The following RASA3 variants were observed in gnomAD, a reference collection of about 807,000 sequenced individuals.
The protein encoded by RASA3 is RAS p21 protein activator 3.
In RASA3, 73 loss-of-function variants were observed where a neutral mutation model predicts 110.0. The ratio of observed to expected loss-of-function variants is 0.66; its 90% CI spans 0.55 to 0.81. The LOEUF (loss-of-function observed/expected upper bound fraction) is 0.81. Among genes scored for constraint, RASA3 ranks in the 30% least tolerant of loss-of-function variants. The pLI is 0.00. For missense variants in RASA3, 976 were observed against 1,113.2 expected (o/e 0.88, Z 1.75); for synonymous variants, 500 against 451.4 (o/e 1.11, Z -1.37).
intron 1 of RASA3, among the ~76,000 whole-genome samples, chr13:114,083,189 T>G (rs2079809505): frequency 6.6e-6 from 1 of 152,276 alleles, no homozygotes; most frequent in Admixed American, 6.5e-5. Flanking sequence ...AGGTGAAGTT[T>G]TAAATGCCAG....
intron 3 of RASA3, among the ~76,000 whole-genome samples, chr13:114,042,041 C>T (rs150180209): frequency 3.3e-5 from 5 of 152,380 alleles, no homozygotes; most frequent in African/African-American, 7.2e-5. Context: ...AGTGAAAATA[C>T]GTATCAGAAT....
At chr13:114,019,453 T>A (rs558177620) in intron 9 of RASA3, among the ~76,000 whole-genome samples, 300 of 152,370 alleles carry the variant, frequency 2.0e-3, no homozygotes, top group African/African-American at 7.0e-3. Flanking sequence ...CTCTCATTTG[T>A]GGGCCAGGCA....
At chr13:114,070,875 G>C (rs2079559656) in intron 2 of RASA3, among the ~76,000 whole-genome samples, 1 of 135,314 alleles carries the variant, frequency 7.4e-6, no homozygotes, top group Admixed American at 7.6e-5. Flanking sequence ...ACGTGGGCAG[G>C]GCTGCCGGCG....
intron 21 of RASA3, among the ~76,000 whole-genome samples, chr13:113,995,094 C>T (rs530361587): frequency 6.6e-6 from 1 of 152,376 alleles, no homozygotes; most frequent in East Asian, 1.9e-4. Context: ...TTGGGACCCA[C>T]AGATCTGCCA....
At chr13:114,050,735 C>G (rs2079131428) in intron 3 of RASA3, among the ~76,000 whole-genome samples, 1 of 152,254 alleles carries the variant, frequency 6.6e-6, no homozygotes, top group Admixed American at 6.5e-5. Flanking sequence ...ACCTACTAGC[C>G]CGTTTCTCTC....
chr13:114,096,887 G>A lies in RASA3; in HGVS notation c.56-23050C>T, dbSNP rs939840889. The stretch of plus-strand genomic sequence containing the variant: ...CCTACACCCCAGCCAAACGCACTCC[G>A]TGTTTGCCAACATGTGCGCCTTTGA... On this transcript the variant is annotated intron_variant, in intron 1 of 23. Coordinates refer to ENST00000334062, the MANE Select transcript of RASA3 (RefSeq NM_007368.4). The surrounding 1 kb of genome is among the most constrained non-coding windows in gnomAD (Gnocchi z 5.1). Among the ~76,000 whole-genome samples the A allele has an allele frequency of 3.9e-5, 6 of 152,148 alleles. No individual in the cohort carries two copies. Among genetic ancestry groups the A allele is most frequent in the African/African-American group, 9.7e-5 (4 of 41,422 alleles).
intron 18 of RASA3, among the ~76,000 whole-genome samples, chr13:114,005,598 C>T (rs868551462): frequency 1.9e-4 from 29 of 152,266 alleles, no homozygotes; most frequent in Middle Eastern, 3.4e-3. Flanking sequence ...GGAAGGCCAG[C>T]CCCAAGTGCG....
chr13:113,982,778 C>A (rs760087059), intron 22 of RASA3, among the ~76,000 whole-genome samples: 1 of 152,192 alleles, frequency 6.6e-6, no homozygotes, highest in African/African-American at 2.4e-5. Flanking sequence ...AACCCTTGTG[C>A]AGGGGATGGG....
intron 1 of RASA3, among the ~76,000 whole-genome samples, chr13:114,123,373 G>A (rs1033493927): frequency 6.6e-6 from 1 of 152,212 alleles, no homozygotes; most frequent in Non-Finnish European, 1.5e-5. Context: ...CCTTCAGAAG[G>A]AACACAGCTA....
intron 17 of RASA3, 64 bp downstream of exon 17, chr13:114,009,323 T>G (rs994371712): frequency 2.4e-4 from 317 of 1,345,660 alleles, no homozygotes; most frequent in Non-Finnish European, 2.4e-4. Context: ...TATCTCAATT[T>G]TAAAAGAGAA....
At chr13:114,083,136 C>T (rs373864363) in intron 1 of RASA3, among the ~76,000 whole-genome samples, 2 of 152,236 alleles carry the variant, frequency 1.3e-5, no homozygotes, top group Non-Finnish European at 2.9e-5. Flanking sequence ...GGAATGCTGG[C>T]GCTTCACTCA....
intron 4 of RASA3, among the ~76,000 whole-genome samples, chr13:114,034,654 T>A (rs2054246564): frequency 6.6e-6 from 1 of 152,240 alleles, no homozygotes; most frequent in Admixed American, 6.5e-5. Context: ...GAAAAGCCAA[T>A]GAGTAAATCT....
chr13:114,009,422 A>G lies in RASA3; in HGVS notation c.1633T>C (p.Phe545Leu), dbSNP rs1229427731. Reference sequence around the variant, plus strand: ...GCATCAGCATATTTCTGCTCATTGAAGAATTCATAAAATGTAGCCATGTAG... The same window carrying G: ...GCATCAGCATATTTCTGCTCATTGAGGAATTCATAAAATGTAGCCATGTAG... Reference protein sequence around the residue: ...ESYMATFYEFFNEQKYADAVK... With the variant: ...ESYMATFYEFLNEQKYADAVK... The change falls in exon 17 of 24, where the codon TTC (phenylalanine) becomes CTC (leucine). Residue 545 changes from phenylalanine to leucine, a missense_variant. Physicochemically the swap from Phe to Leu is conservative, Grantham distance 22. Transcript: ENST00000334062. 2 of 1,612,592 alleles carry G rather than the reference A, an allele frequency of 1.2e-6. No homozygotes were observed. The highest frequency in any genetic ancestry group is 3.3e-5 in the Admixed American group (2 of 60,018).
At chr13:113,995,731 G>A (rs1169889551) in intron 21 of RASA3, among the ~76,000 whole-genome samples, 3 of 69,500 alleles carry the variant, frequency 4.3e-5, no homozygotes, top group South Asian at 5.3e-4. Context: ...CTGATGGGGG[G>A]CCCGGCTGAC....
intron 18 of RASA3, among the ~76,000 whole-genome samples, chr13:114,001,381 G>A: frequency 6.6e-6 from 1 of 150,844 alleles, no homozygotes; most frequent in Admixed American, 6.6e-5. Flanking sequence ...CGCGGCCGCG[G>A]GCTCGGGGTC....
intron 2 of RASA3, among the ~76,000 whole-genome samples, chr13:114,068,124 G>A (rs1313669861): frequency 1.3e-5 from 2 of 152,260 alleles, no homozygotes; most frequent in African/African-American, 4.8e-5. Flanking sequence ...AACCAGCCAC[G>A]CCTGCAGTTT....
intron 1 of RASA3, among the ~76,000 whole-genome samples, chr13:114,111,785 C>T (rs560839046): frequency 1.7e-4 from 26 of 152,364 alleles, no homozygotes; most frequent in African/African-American, 5.3e-4. Flanking sequence ...AAACCTCATG[C>T]GTAAAGCAGA....
intron 4 of RASA3, among the ~76,000 whole-genome samples, chr13:114,036,952 A>G (rs1374440051): frequency 6.6e-6 from 1 of 152,216 alleles, no homozygotes; most frequent in Non-Finnish European, 1.5e-5. Flanking sequence ...ATTGGAGAGC[A>G]GCGGGCATTG....
chr13:114,076,775 G>A (rs1383340525), intron 1 of RASA3, among the ~76,000 whole-genome samples: 1 of 151,956 alleles, frequency 6.6e-6, no homozygotes, highest in African/African-American at 2.4e-5. Flanking sequence ...CCAGCAAGTC[G>A]GACAGGGGCC....
Sources: gnomAD v4.1 joint callset for allele counts (sites outside exome capture counted in the v4.1 genomes callset) on GRCh38, gnomAD v4.1.1 for gene constraint, Gnocchi (gnomAD v3.1) non-coding constraint, MANE v1.5 for transcripts, NCBI Gene and HGNC (gene_info 2026-07-23, HGNC 2026-07-21) for gene names.